The following ECM2 variants were observed in gnomAD, a reference collection of about 807,000 sequenced individuals.
ECM2 encodes extracellular matrix protein 2, female organ and adipocyte specific.
ECM2 carries 57 observed loss-of-function variants against 67.5 expected under a neutral mutation model. The observed-to-expected ratio is 0.84, with a 90% CI of 0.68 to 1.05. The LOEUF (loss-of-function observed/expected upper bound fraction) is 1.05, where lower values mean the gene tolerates loss of function less well. ECM2 is among the 50% of genes least tolerant of loss of function. The pLI, the probability that ECM2 is intolerant of heterozygous loss-of-function variation, is 0.00. For synonymous variants in ECM2, 258 were observed against 294.5 expected (o/e 0.88, Z 1.27); for missense variants, 741 against 822.8 (o/e 0.90, Z 1.22).
chr9:92,494,134 A>G, downstream of ECM2: 1 of 1,597,568 alleles, frequency 6.3e-7, no homozygotes, highest in Non-Finnish European at 8.5e-7. Flanking sequence ...TCTCTAGAAC[A>G]GCATCTGAAA....
chr9:92,529,965 CT>C (rs1292239980), intron 1 of ECM2, among the ~76,000 whole-genome samples: 6 of 152,186 alleles, frequency 3.9e-5, no homozygotes, highest in Middle Eastern at 3.4e-3. Context: ...CATATGCAGA[CT>C]TTTTTTTCTT....
intron 9 of ECM2, among the ~76,000 whole-genome samples, chr9:92,500,355 G>C (rs1397106732): frequency 6.6e-6 from 1 of 152,132 alleles, no homozygotes; most frequent in Non-Finnish European, 1.5e-5. Context: ...GCTAAGTTTT[G>C]TATTTTTAGT....
Position 92,517,749 on chromosome 9 carries a change from G to A in ECM2, c.419C>T (p.Pro140Leu). The change falls in exon 3 of 10, where the codon CCC (proline) becomes CTC (leucine). Residue 140 changes from proline to leucine, a missense_variant. Pro to Leu is a moderately conservative substitution (Grantham distance 98). Coordinates refer to ENST00000344604, the MANE Select transcript of ECM2 (RefSeq NM_001393.4). Reference protein sequence around the residue: ...RVLCDETMCHPQRCPQTVIPE... With the variant: ...RVLCDETMCHLQRCPQTVIPE... ...TATAACTGTTTGGGGGCACCTCTGG[G>A]GATGGCACATGGTTTCATCACAAAG... 1 of 1,614,162 alleles carries A rather than the reference G, an allele frequency of 6.2e-7. No homozygotes were observed.
intron 9 of ECM2, among the ~76,000 whole-genome samples, chr9:92,500,324 A>G (rs1846593302): frequency 6.6e-6 from 1 of 152,016 alleles, no homozygotes; most frequent in Non-Finnish European, 1.5e-5. Flanking sequence ...CTGGCATTAC[A>G]GACACGCACC....
At chr9:92,507,195 G>T (rs1391531659) in intron 6 of ECM2, among the ~76,000 whole-genome samples, 1 of 152,184 alleles carries the variant, frequency 6.6e-6, no homozygotes, top group Non-Finnish European at 1.5e-5. Context: ...TGGTGCTCAG[G>T]ATTAATGGAA....
intron 9 of ECM2, 53 bp from the exon 10 acceptor site, chr9:92,496,536 T>C: frequency 1.9e-6 from 3 of 1,567,450 alleles, no homozygotes; most frequent in Non-Finnish European, 2.6e-6. Context: ...TAATCTGCCT[T>C]TAGGAGTTAA....
Position 92,496,068 on chromosome 9 carries a change from T to C in ECM2, c.*247A>G, listed in dbSNP as rs1846330066. ...CTAGCTCAGTATGCATAATATCCTA[T>C]TCTAGTGAGATGGCCTCTTTCTAGA... is the stretch of plus-strand genomic sequence containing the variant. On this transcript the variant is annotated 3_prime_UTR_variant, in exon 10 of 10. Coordinates refer to ENST00000344604, the MANE Select transcript of ECM2 (RefSeq NM_001393.4). The C allele has an allele frequency of 8.9e-7, 1 of 1,122,744 alleles. No individual in the cohort carries two copies. Among genetic ancestry groups the C allele is most frequent in the Non-Finnish European group, 1.1e-6 (1 of 920,414 alleles). 69.5% of individuals were successfully genotyped at this position (1,122,744 alleles called of 1,614,324 possible).
rs1847811173 is a variant in ECM2 at position 92,517,683 on chromosome 9, G to A, written c.481+4C>T. 6.2e-7 allele frequency: 1 copy of A among 1,614,142 alleles called. No homozygotes were observed. The highest frequency in any genetic ancestry group is 1.3e-5 in the African/African-American group (1 of 75,038). On this transcript the variant is annotated splice_donor_region_variant and intron_variant, in intron 3 of 9. Coordinates refer to ENST00000344604, the MANE Select transcript of ECM2 (RefSeq NM_001393.4). ...TGATATTTTGCTTAGCTAAATCTCTGTACCAGTAGCGGAGCAGACCGGGCA... is the reference window on the plus strand; with the variant it reads ...TGATATTTTGCTTAGCTAAATCTCTATACCAGTAGCGGAGCAGACCGGGCA...
intron 3 of ECM2, among the ~76,000 whole-genome samples, chr9:92,516,429 A>G (rs1847726602): frequency 6.6e-6 from 1 of 152,090 alleles, no homozygotes; most frequent in African/African-American, 2.4e-5. Context: ...CTTTTATTTA[A>G]CACTATATAT....
chr9:92,536,805 A>G (rs1849184462), upstream of ECM2: 1 of 152,162 alleles, frequency 6.6e-6, no homozygotes, highest in Non-Finnish European at 1.5e-5. Context: ...AAAAGGAATA[A>G]CAGATATGAA....
intron 6 of ECM2, among the ~76,000 whole-genome samples, chr9:92,509,167 A>G (rs1847187326): frequency 6.6e-6 from 1 of 151,984 alleles, no homozygotes; most frequent in African/African-American, 2.4e-5. Flanking sequence ...AAAGGCTGTC[A>G]GAAAGCTAGG....
At chr9:92,494,202 C>T (rs1846251643), downstream of ECM2, 10 of 1,559,152 alleles carry the variant, frequency 6.4e-6, no homozygotes, top group Non-Finnish European at 8.7e-6. Flanking sequence ...GTATCTGTCT[C>T]TGTGTCATCC....
chr9:92,515,324 A>G, intron 3 of ECM2, 121 bp from the exon 4 acceptor site: 1 of 1,245,744 alleles, frequency 8.0e-7, no homozygotes, highest in Non-Finnish European at 1.0e-6. Flanking sequence ...TGCAATTTAA[A>G]GATGAAATGC....
Position 92,502,849 on chromosome 9 carries a change from G to A in ECM2, c.1465-197C>T, listed in dbSNP as rs777429736. ...TTGAGACAGGGTCTCACTTTGTTACGCAGGATGGAGTGCAGTGGCACAAAC... is the reference window on the plus strand; with the variant it reads ...TTGAGACAGGGTCTCACTTTGTTACACAGGATGGAGTGCAGTGGCACAAAC... On this transcript the variant is annotated intron_variant, in intron 7 of 9. Coordinates refer to ENST00000344604, the MANE Select transcript of ECM2 (RefSeq NM_001393.4). Among the ~76,000 whole-genome samples the A allele has an allele frequency of 1.8e-4, 23 of 130,608 alleles. 1 individual carries two copies. Among genetic ancestry groups the A allele is most frequent in the Middle Eastern group, 0.011 (2 of 182 alleles). The allele number at this position is 130,608 out of a possible 152,430, so 85.7% of individuals were successfully genotyped here.
Position 92,522,566 on chromosome 9 carries a change from T to C in ECM2, c.292+9A>G, listed in dbSNP as rs1211026743. 1.9e-6 allele frequency: 3 copies of C among 1,596,180 alleles called. No individual in the cohort carries two copies. Among genetic ancestry groups the C allele is most frequent in the Admixed American group, 3.4e-5 (2 of 58,968 alleles). ...CTCTTTCTGTCTCTCTCTCATAGTG[T>C]TCTCTTACCTGGTAACACATTATAA... is the stretch of plus-strand genomic sequence containing the variant. On this transcript the variant is annotated intron_variant, in intron 2 of 9. Coordinates refer to ENST00000344604, the MANE Select transcript of ECM2 (RefSeq NM_001393.4).
chr9:92,541,408 C>T (rs1289950834), upstream of ECM2, among the ~76,000 whole-genome samples: 1 of 92,568 alleles, frequency 1.1e-5, no homozygotes, highest in East Asian at 2.6e-4. Context: ...CTGCCACCCC[C>T]CTTCCCCCTC....
At chr9:92,546,768 T>C in the ECM2 span, among the ~76,000 whole-genome samples, 1 of 152,212 alleles carries the variant, frequency 6.6e-6, no homozygotes, top group African/African-American at 2.4e-5. Flanking sequence ...AGTAAATTGA[T>C]ATATTTAGAT....
rs770043271 is a variant in ECM2 at position 92,514,675 on chromosome 9, A to G, written c.1010T>C (p.Ile337Thr). The change falls in exon 4 of 10, where the codon ATA becomes ACA. Residue 337 changes from isoleucine (I) to threonine (T), a missense_variant. Physicochemically the swap from Ile to Thr is moderately conservative, Grantham distance 89 (BLOSUM62 -1). Transcript: ENST00000344604. Reference protein sequence around the residue: ...ISCINAMLTQIPPLTAPQITS... With the variant: ...ISCINAMLTQTPPLTAPQITS... Reference sequence around the variant, plus strand: ...TATCTGTGGTGCTGTCAGCGGTGGTATCTGGGTAAGCATGGCGTTGATGCA... The same window carrying G: ...TATCTGTGGTGCTGTCAGCGGTGGTGTCTGGGTAAGCATGGCGTTGATGCA... 4 of 1,606,476 alleles carry G rather than the reference A, an allele frequency of 2.5e-6. No individual in the cohort carries two copies. In the Admixed American group the frequency reaches 6.7e-5, roughly 27 times the overall value.
At chr9:92,502,411 G>A (rs529560784) in intron 8 of ECM2, 102 bp downstream of exon 8, 89 of 1,414,240 alleles carry the variant, frequency 6.3e-5, no homozygotes, top group African/African-American at 1.7e-4. Context: ...CTTCAGTATC[G>A]TCACCTCCCT....
Sources: gnomAD v4.1 joint callset for allele counts (sites outside exome capture counted in the v4.1 genomes callset) on GRCh38, gnomAD v4.1.1 for gene constraint, MANE v1.5 for transcripts, NCBI Gene and HGNC (gene_info 2026-07-23, HGNC 2026-07-21) for gene names.